Variants in EHD4 observed in about 807,000 individuals in gnomAD.
The protein encoded by EHD4 is EH domain-containing protein 4.
In EHD4, 37 loss-of-function variants were observed where a neutral mutation model predicts 51.0. The ratio of observed to expected loss-of-function variants is 0.73; its 90% CI spans 0.56 to 0.95. The LOEUF is 0.95. Among genes scored for constraint, EHD4 ranks in the 40% least tolerant of loss-of-function variants. The pLI is 0.00. For missense variants in EHD4, 632 were observed against 733.1 expected (o/e 0.86, Z 1.59); for synonymous variants, 297 against 317.3 (o/e 0.94, Z 0.68).
intron 5 of EHD4, among the ~76,000 whole-genome samples, chr15:41,906,960 T>C (rs1704388): frequency 0.5 from 76,400 of 152,154 alleles, 20,252 homozygotes; most frequent in African/African-American, 0.64. Flanking sequence ...CAGTGGGCCA[T>C]GGCTGCTCCT....
At chr15:41,959,798 C>T (rs942236490) in intron 1 of EHD4, among the ~76,000 whole-genome samples, 2 of 151,930 alleles carry the variant, frequency 1.3e-5, no homozygotes, top group South Asian at 2.1e-4. Flanking sequence ...GGTGAAACCC[C>T]GTCTCTACTA....
At chr15:41,909,975 C>G in intron 4 of EHD4, 112 bp from the exon 5 acceptor site, 1 of 1,389,406 alleles carries the variant, frequency 7.2e-7, no homozygotes, top group Non-Finnish European at 1.0e-6. Flanking sequence ...CCCACACAAA[C>G]CAGGTCCCAA....
chr15:41,900,754 A>C lies in EHD4; in HGVS notation c.1517T>G (p.Leu506Arg). 1.2e-6 allele frequency: 2 copies of C among 1,613,778 alleles called. No individual in the cohort carries two copies. Among genetic ancestry groups the C allele is most frequent in the Non-Finnish European group, 1.7e-6 (2 of 1,180,016 alleles). ...CTTGATCTTGATGAGGTGCTTGGCCAGCGCGAACTCCTCCTCATCAAGCAT... is the reference window on the plus strand; with the variant it reads ...CTTGATCTTGATGAGGTGCTTGGCCCGCGCGAACTCCTCCTCATCAAGCAT... ...DGMLDEEEFA[L>R]AKHLIKIKLD... Residue 506 changes from leucine to arginine, a missense_variant, in exon 6 of 6, where the codon CTG (leucine) becomes CGG (arginine). Transcript: ENST00000220325. The surrounding 1 kb of genome is among the most constrained non-coding windows in gnomAD (Gnocchi z 4.8).
chr15:41,941,670 C>A (rs1359882835), intron 3 of EHD4: 1 of 151,564 alleles, frequency 6.6e-6, no homozygotes, highest in Admixed American at 6.6e-5. Context: ...CTGGCAAGTC[C>A]CTGACTGAAA....
chr15:41,944,303 G>C (rs969190887), intron 2 of EHD4, among the ~76,000 whole-genome samples: 1 of 152,230 alleles, frequency 6.6e-6, no homozygotes, highest in Non-Finnish European at 1.5e-5. Flanking sequence ...CTGGGCACCA[G>C]GGTCTGGGAT....
Position 41,901,017 on chromosome 15 carries a change from A to G in EHD4, c.1254T>C (p.Asp418=). 6.2e-7 allele frequency: 1 copy of G among 1,608,478 alleles called. No homozygotes were observed. The highest frequency in any genetic ancestry group is 8.5e-7 in the Non-Finnish European group (1 of 1,176,218). ...PTQLVQGGAF[D]GTTEGPFNQG... ...GGTTGAAGGGGCCCTCGGTGGTGCCATCGAAGGCGCCGCCCTGCACCAGCT... is the reference window on the plus strand; with the variant it reads ...GGTTGAAGGGGCCCTCGGTGGTGCCGTCGAAGGCGCCGCCCTGCACCAGCT... Residue 418 remains aspartate (D), a synonymous_variant, in exon 6 of 6, where the codon GAT becomes GAC. Coordinates refer to ENST00000220325, the MANE Select transcript of EHD4 (RefSeq NM_139265.4).
At chr15:41,952,998 C>CAAAAAAAA (rs33930801) in intron 2 of EHD4, among the ~76,000 whole-genome samples, 17 of 69,088 alleles carry the variant, frequency 2.5e-4, no homozygotes, top group East Asian at 5.3e-4. Context: ...TTCCCCCCCG[C>CAAAAAAAA]AAAAAAAAAA....
chr15:41,905,726 A>G (rs894490546), intron 5 of EHD4, among the ~76,000 whole-genome samples: 16 of 152,198 alleles, frequency 1.1e-4, no homozygotes, highest in Non-Finnish European at 2.4e-4. Flanking sequence ...GCTGGAGTGC[A>G]GTGGCGTGAT....
At chr15:41,903,453 T>TACACAC (rs146543286) in intron 5 of EHD4, among the ~76,000 whole-genome samples, 3,175 of 144,470 alleles carry the variant, frequency 0.022, 49 homozygotes, top group Non-Finnish European at 0.025. Context: ...TTAACATACA[T>TACACAC]ACACACACAC....
rs1405321641 is a variant in EHD4, at chr15:41,897,526, GTTGAGAAATGAA to G, written c.*3107_*3118del. On this transcript the variant is annotated 3_prime_UTR_variant, in exon 6 of 6. Coordinates refer to ENST00000220325, the MANE Select transcript of EHD4 (RefSeq NM_139265.4). Reference sequence around the variant, plus strand: ...CCCCCAGGCCATCCAAGTGCGGTGAGTTGAGAAATGAATTGACAGACGCTGCAGGGCTGGAGC... The same window carrying G: ...CCCCCAGGCCATCCAAGTGCGGTGAGTTGACAGACGCTGCAGGGCTGGAGC... 1 of 152,324 alleles carries G rather than the reference GTTGAGAAATGAA, an allele frequency of 6.6e-6. No individual in the cohort carries two copies. The highest frequency in any genetic ancestry group is 1.5e-5 in the Non-Finnish European group (1 of 68,092). 9.4% of individuals were successfully genotyped at this position (152,324 alleles called of 1,614,324 possible).
At position 41,953,912 on chromosome 15, in the gene EHD4, T is replaced by C. The variant is rs970354048; in HGVS notation, c.265A>G (p.Met89Val). Residue 89 changes from methionine to valine, a missense_variant, in exon 2 of 6, where the codon ATG (methionine) becomes GTG (valine). By Grantham distance (21) the Met-to-Val change is conservative (BLOSUM62 1). Coordinates refer to ENST00000220325, the MANE Select transcript of EHD4 (RefSeq NM_139265.4). ...RYLLEQDFPG[M>V]RIGPEPTTDS... is the part of the protein sequence containing the mutation. Reference sequence around the variant, plus strand: ...GTGGTGGGCTCCGGACCAATCCTCATGCCTGGGAAATCCTGCTCCAGTAGG... The same window carrying C: ...GTGGTGGGCTCCGGACCAATCCTCACGCCTGGGAAATCCTGCTCCAGTAGG... 14 of 1,612,844 alleles carry C rather than the reference T, an allele frequency of 8.7e-6. No homozygotes were observed. The highest frequency in any genetic ancestry group is 1.0e-5 in the Non-Finnish European group (12 of 1,179,704).
Position 41,900,898 on chromosome 15 carries a change from A to G in EHD4, c.1373T>C (p.Leu458Pro), listed in dbSNP as rs1324445974. The change falls in exon 6 of 6, where the codon CTG (leucine) becomes CCG (proline). Residue 458 changes from leucine (L) to proline (P), a missense_variant. By Grantham distance (98) the Leu-to-Pro change is moderately conservative. Transcript: ENST00000220325. The surrounding 1 kb of genome is among the most constrained non-coding windows in gnomAD (Gnocchi z 4.8). ...TGATATCTTGCCATTGATGGGCGACAGAGTGTAGAAGAGCTCGTCGTAGAC... is the reference window on the plus strand; with the variant it reads ...TGATATCTTGCCATTGATGGGCGACGGAGTGTAGAAGAGCTCGTCGTAGAC... ...KPVYDELFYT[L>P]SPINGKISGV... The G allele has an allele frequency of 6.2e-7, 1 of 1,614,188 alleles. No individual in the cohort carries two copies. The highest frequency in any genetic ancestry group is 1.1e-5 in the South Asian group (1 of 91,082).
At chr15:41,945,122 TC>T (rs1182731480) in intron 2 of EHD4, among the ~76,000 whole-genome samples, 12 of 152,192 alleles carry the variant, frequency 7.9e-5, no homozygotes, top group Non-Finnish European at 1.8e-4. Context: ...TCCCATTCTT[TC>T]CATCAGATGG....
At chr15:41,948,245 T>C (rs1159595833) in intron 2 of EHD4, among the ~76,000 whole-genome samples, 1 of 151,520 alleles carries the variant, frequency 6.6e-6, no homozygotes, top group Non-Finnish European at 1.5e-5. Flanking sequence ...GGAGCAAGAC[T>C]CCGCCTCCAA....
intron 1 of EHD4, among the ~76,000 whole-genome samples, chr15:41,956,312 C>G (rs2067887590): frequency 6.7e-6 from 1 of 149,966 alleles, no homozygotes; most frequent in Admixed American, 6.6e-5. Flanking sequence ...TTCACCAAGC[C>G]TGGCCAGGAG....
At chr15:41,917,825 C>A (rs16972244) in intron 4 of EHD4, among the ~76,000 whole-genome samples, 10,272 of 152,248 alleles carry the variant, frequency 0.067, 400 homozygotes, top group South Asian at 0.097. Flanking sequence ...GGAAAGGAAG[C>A]CACTTGGACC....
chr15:41,933,387 T>C (rs2067711429), intron 3 of EHD4, among the ~76,000 whole-genome samples: 1 of 152,214 alleles, frequency 6.6e-6, no homozygotes, highest in Non-Finnish European at 1.5e-5. Context: ...CACTTAGGTA[T>C]GAACACAGAT....
At chr15:41,938,372 A>G (rs2067745289) in intron 3 of EHD4, among the ~76,000 whole-genome samples, 1 of 152,194 alleles carries the variant, frequency 6.6e-6, no homozygotes, top group African/African-American at 2.4e-5. Context: ...TAAAATGGTA[A>G]TCAGTGATTC....
Position 41,900,829 on chromosome 15 carries a change from T to C in EHD4, c.1442A>G (p.Asn481Ser), listed in dbSNP as rs776435039. 2.5e-6 allele frequency: 4 copies of C among 1,614,056 alleles called. No homozygotes were observed. Among genetic ancestry groups the C allele is most frequent in the Middle Eastern group, 1.6e-4 (1 of 6,084 alleles). Residue 481 changes from asparagine to serine, a missense_variant, in exon 6 of 6, where the codon AAC (asparagine) becomes AGC (serine). By Grantham distance (46) the Asn-to-Ser change is conservative. Coordinates refer to ENST00000220325, the MANE Select transcript of EHD4 (RefSeq NM_139265.4). The surrounding 1 kb of genome is among the most constrained non-coding windows in gnomAD (Gnocchi z 4.8). The part of the protein sequence containing the change: ...KKEMVTSKLP[N>S]SVLGKIWKLA... ...CTTCCAGATCTTGCCCAGGACGCTG[T>C]TGGGCAGCTTGGAGGTCACCATCTC...
Sources: gnomAD v4.1 joint callset for allele counts (sites outside exome capture counted in the v4.1 genomes callset) on GRCh38, gnomAD v4.1.1 for gene constraint, Gnocchi (gnomAD v3.1) non-coding constraint, MANE v1.5 for transcripts, NCBI Gene and HGNC (gene_info 2026-07-23, HGNC 2026-07-21) for gene names.